HECW2: variants seen among roughly 807,000 people sequenced by gnomAD.
HECW2 encodes the protein HECT, C2 and WW domain containing E3 ubiquitin protein ligase 2.
In HECW2, 61 loss-of-function variants were observed where a neutral mutation model predicts 175.2. The ratio of observed to expected loss-of-function variants is 0.35; its 90% CI spans 0.28 to 0.43. The LOEUF (loss-of-function observed/expected upper bound fraction) is 0.43, where lower values mean the gene tolerates loss of function less well. Among genes scored for constraint, HECW2 ranks in the 20% least tolerant of loss-of-function variants. The pLI is 1.00. For synonymous variants in HECW2, 671 were observed against 731.0 expected, an observed-to-expected ratio of 0.92 and a Z score of 1.32; for missense variants, 1,524 against 2,000.5, an observed-to-expected ratio of 0.76 and a Z score of 4.54.
At chr2:196,392,993 T>C (rs756679708) in intron 2 of HECW2, among the ~76,000 whole-genome samples, 32 of 152,156 alleles carry the variant, frequency 2.1e-4, no homozygotes, top group Middle Eastern at 6.8e-3. Flanking sequence ...CCCTCAGAAA[T>C]AATACCACAC....
rs143162196 is a variant in HECW2, at chr2:196,395,159, A to G, written c.292+37973T>C. Among the ~76,000 whole-genome samples, 655 of 152,332 alleles carry G rather than the reference A, an allele frequency of 4.3e-3. 4 individuals are homozygous for G. Among genetic ancestry groups the G allele is most frequent in the African/African-American group, 0.014 (570 of 41,572 alleles). ...ATACATGAATTTTGGGAAGAAACAA[A>G]GATTCAGACCATAGCGGACTTCTAC... On this transcript the variant is annotated intron_variant, in intron 2 of 28. Transcript: ENST00000644978.
At position 196,462,285 on chromosome 2, in the gene HECW2, A is replaced by G. The variant is rs1696778405; in HGVS notation, c.-35-28827T>C. On this transcript the variant is annotated intron_variant, in intron 1 of 28. Coordinates refer to ENST00000644978, the MANE Select transcript of HECW2 (RefSeq NM_001348768.2). Reference sequence around the variant, plus strand: ...TTGATGGGGGAAAATGGGAAAGGGGAAAAATAGTAATTAAAAATGATATGT... The same window carrying G: ...TTGATGGGGGAAAATGGGAAAGGGGGAAAATAGTAATTAAAAATGATATGT... Among the ~76,000 whole-genome samples, 3 of 152,296 alleles carry G rather than the reference A, an allele frequency of 2.0e-5. No individual in the cohort carries two copies. In the South Asian group the frequency reaches 6.2e-4, roughly 32 times the overall value.
chr2:196,310,344 A>T (rs1486817418), intron 10 of HECW2, among the ~76,000 whole-genome samples: 1 of 152,202 alleles, frequency 6.6e-6, no homozygotes, highest in South Asian at 2.1e-4. Context: ...CCCCATAAAG[A>T]CAAATTCTAT....
intron 21 of HECW2, among the ~76,000 whole-genome samples, chr2:196,231,966 G>A (rs1688075930): frequency 6.6e-6 from 1 of 152,168 alleles, no homozygotes; most frequent in Admixed American, 6.5e-5. Flanking sequence ...TCCAGCCTGG[G>A]TGACAGTGAG....
intron 19 of HECW2, 44 bp from the exon 20 acceptor site, chr2:196,242,248 G>A (rs750041386): frequency 4.3e-6 from 7 of 1,612,062 alleles, no homozygotes; most frequent in East Asian, 2.2e-5. Context: ...TTTGTGCCTC[G>A]TCCTTATGTT....
At chr2:196,336,511 T>C (rs1471866229) in intron 3 of HECW2, among the ~76,000 whole-genome samples, 1 of 152,110 alleles carries the variant, frequency 6.6e-6, no homozygotes, top group Admixed American at 6.5e-5. Flanking sequence ...GGTTAGCGAG[T>C]GAGCAGGCCA....
In HECW2 at chr2:196,549,465, T is replaced by C. The variant is rs58225627; in HGVS notation, c.-36+44043A>G. 3.2e-3 allele frequency among the ~76,000 whole-genome samples: 493 copies of C among 152,366 alleles called. 2 individuals are homozygous for C. The highest frequency in any genetic ancestry group is 0.011 in the African/African-American group (472 of 41,584). On this transcript the variant is annotated intron_variant, in intron 1 of 28. Coordinates refer to ENST00000644978, the MANE Select transcript of HECW2 (RefSeq NM_001348768.2). ...TGTAATACATTATTTAGAGTCTTTT[T>C]TTTACTCAAGATATTTGTAAGATTC...
chr2:196,588,618 C>T (rs1377659394), intron 1 of HECW2, among the ~76,000 whole-genome samples: 2 of 152,170 alleles, frequency 1.3e-5, no homozygotes, highest in Admixed American at 1.3e-4. Context: ...ATTCACATAT[C>T]CATAGATACA....
intron 2 of HECW2, among the ~76,000 whole-genome samples, chr2:196,386,441 G>C (rs1175174978): frequency 6.6e-6 from 1 of 152,178 alleles, no homozygotes; most frequent in Non-Finnish European, 1.5e-5. Context: ...GAGGGAGCTT[G>C]CTAACATGCT....
chr2:196,274,243 A>G (rs1689854746), intron 15 of HECW2, 120 bp from the exon 16 acceptor site: 2 of 680,436 alleles, frequency 2.9e-6, no homozygotes, highest in Middle Eastern at 3.3e-4. Flanking sequence ...CTTGATCAGA[A>G]CAGATACCAG....
chr2:196,255,731 C>A (rs1482973087), intron 18 of HECW2, among the ~76,000 whole-genome samples: 2 of 152,160 alleles, frequency 1.3e-5, no homozygotes, highest in African/African-American at 4.8e-5. Context: ...AGTATGCTGA[C>A]TGAAGTTTGT....
chr2:196,415,196 A>T (rs1363399977), intron 2 of HECW2, among the ~76,000 whole-genome samples: 1 of 152,176 alleles, frequency 6.6e-6, no homozygotes, highest in Non-Finnish European at 1.5e-5. Context: ...ATCTTTGTCA[A>T]AAACATATAC....
intron 2 of HECW2, among the ~76,000 whole-genome samples, chr2:196,423,874 T>G (rs1695472193): frequency 6.6e-6 from 1 of 152,094 alleles, no homozygotes; most frequent in African/African-American, 2.4e-5. Flanking sequence ...TAAGTGGGAT[T>G]GCTGGGTCAT....
At chr2:196,296,166 ATATG>A (rs756079659) in intron 13 of HECW2, among the ~76,000 whole-genome samples, 9 of 152,196 alleles carry the variant, frequency 5.9e-5, no homozygotes, top group Non-Finnish European at 1.0e-4. Flanking sequence ...GTGTATATAT[ATATG>A]TAATTTATAT....
intron 14 of HECW2, among the ~76,000 whole-genome samples, chr2:196,286,573 A>G (rs1357375634): frequency 1.3e-5 from 2 of 152,104 alleles, no homozygotes; most frequent in Non-Finnish European, 2.9e-5. Flanking sequence ...CAACCCCTAG[A>G]CAGTTTATTT....
intron 1 of HECW2, among the ~76,000 whole-genome samples, chr2:196,560,259 C>A (rs929433834): frequency 6.6e-6 from 1 of 152,168 alleles, no homozygotes; most frequent in African/African-American, 2.4e-5. Context: ...GATTCTCCTG[C>A]CTCAGCCTCC....
chr2:196,318,533 A>C lies in HECW2; in HGVS notation c.2338+19T>G. ...CAGCTACGCTCGAGCCAAGAGCCAC[A>C]GTGGTGTCCATATCCTACCTCCAGT... On this transcript the variant is annotated intron_variant, in intron 9 of 28. Transcript: ENST00000644978. 1 of 1,470,942 alleles carries C rather than the reference A, an allele frequency of 6.8e-7. No homozygotes were observed. The highest frequency in any genetic ancestry group is 9.0e-7 in the Non-Finnish European group (1 of 1,109,738). The allele number at this position is 1,470,942 out of a possible 1,614,324, so 91.1% of individuals were successfully genotyped here. A position where few individuals can be genotyped will look rare whatever the true frequency, so the allele number is the denominator to read the frequency against.
At chr2:196,202,008 T>A (rs1686874797) in intron 28 of HECW2, among the ~76,000 whole-genome samples, 1 of 152,206 alleles carries the variant, frequency 6.6e-6, no homozygotes, top group African/African-American at 2.4e-5. Context: ...TTTAAATCAT[T>A]ACATTAAGTA....
intron 2 of HECW2, among the ~76,000 whole-genome samples, chr2:196,348,956 T>C (rs1331814463): frequency 6.6e-6 from 1 of 152,210 alleles, no homozygotes; most frequent in Non-Finnish European, 1.5e-5. Context: ...CAAGAGGACA[T>C]TAGGCCTGAT....
Sources: allele counts gnomAD v4.1 joint callset (sites outside exome capture counted in the v4.1 genomes callset), GRCh38; gene constraint gnomAD v4.1.1; transcripts MANE v1.5; gene names NCBI Gene and HGNC (gene_info 2026-07-23, HGNC 2026-07-21).